NRCAM: variants seen among roughly 807,000 people sequenced by gnomAD.
NRCAM encodes the protein neuronal cell adhesion molecule.
NRCAM carries 83 observed loss-of-function variants against 156.5 expected under a neutral mutation model. The observed-to-expected ratio is 0.53, with a 90% confidence interval of 0.44 to 0.64. The LOEUF (loss-of-function observed/expected upper bound fraction) is 0.64. Ranked by LOEUF, NRCAM falls within the 30% of genes least tolerant of loss-of-function variation. The probability of loss-of-function intolerance (pLI) is 0.00; values close to 1 mark genes in which losing one functional copy is unlikely to be tolerated. For synonymous variants in NRCAM, 538 were observed against 563.9 expected, an observed-to-expected ratio of 0.95 and a Z score of 0.65; for missense variants, 1,417 against 1,597.3, an observed-to-expected ratio of 0.89 and a Z score of 1.92.
intron 3 of NRCAM, among the ~76,000 whole-genome samples, chr7:108,261,065 A>G (rs2096870616): frequency 6.6e-6 from 1 of 152,110 alleles, no homozygotes; most frequent in Non-Finnish European, 1.5e-5. Context: ...CATGAGGAGA[A>G]ATGGTGGACA....
rs181527922 is a variant in NRCAM at position 108,432,538 on chromosome 7, G to C, written c.-332+23705C>G. ...TTTGTTGACATACTTTGAGTATTTA[G>C]TGTGCACACTGAAGAGGAAATCGAA... On this transcript the variant is annotated intron_variant, in intron 1 of 32. Coordinates refer to ENST00000379028, the MANE Select transcript of NRCAM (RefSeq NM_001037132.4). Among the ~76,000 whole-genome samples, 8 of 152,338 alleles carry C rather than the reference G, an allele frequency of 5.3e-5. No individual in the cohort carries two copies. In the East Asian group the frequency reaches 1.5e-3, roughly 29 times the overall value.
At chr7:108,249,400 T>C (rs1355328516) in intron 3 of NRCAM, among the ~76,000 whole-genome samples, 2 of 152,252 alleles carry the variant, frequency 1.3e-5, no homozygotes, top group African/African-American at 4.8e-5. Context: ...CTTGCTGACA[T>C]GCATGTTGTA....
chr7:108,184,350 T>G (rs1376451650), intron 21 of NRCAM, 39 bp from the exon 22 acceptor site: 4 of 1,613,558 alleles, frequency 2.5e-6, no homozygotes, highest in Non-Finnish European at 3.4e-6. Flanking sequence ...AGCTTTGGCC[T>G]TTTGCGAAGA....
intron 3 of NRCAM, among the ~76,000 whole-genome samples, chr7:108,250,425 CAAAAAAAAA>C (rs34274206): frequency 7.4e-5 from 5 of 67,388 alleles, no homozygotes; most frequent in Admixed American, 2.2e-4. Context: ...CATCTTACCT[CAAAAAAAAA>C]AAAAAAAAAA....
intron 2 of NRCAM, among the ~76,000 whole-genome samples, chr7:108,396,291 T>C (rs2099776754): frequency 6.6e-6 from 1 of 152,204 alleles, no homozygotes; most frequent in Non-Finnish European, 1.5e-5. Context: ...GAGTGAATCA[T>C]GTTTTGTACA....
At chr7:108,303,695 C>T (rs953489071) in intron 3 of NRCAM, among the ~76,000 whole-genome samples, 4 of 152,070 alleles carry the variant, frequency 2.6e-5, no homozygotes, top group African/African-American at 9.7e-5. Context: ...TACATGGCTT[C>T]ATGTAGGATC....
chr7:108,307,686 A>G (rs2154171956), intron 3 of NRCAM, among the ~76,000 whole-genome samples: 1 of 152,218 alleles, frequency 6.6e-6, no homozygotes, highest in Admixed American at 6.5e-5. Context: ...AAAGCAAAAA[A>G]AAAAAAACCC....
At chr7:108,156,281 A>C (rs764587113) in intron 32 of NRCAM, 24 of 984,946 alleles carry the variant, frequency 2.4e-5, no homozygotes, top group Non-Finnish European at 2.8e-5. Flanking sequence ...AAGAGCCACC[A>C]ATTATGTAGT....
chr7:108,247,152 G>T (rs1001420559), intron 3 of NRCAM, among the ~76,000 whole-genome samples: 1 of 152,136 alleles, frequency 6.6e-6, no homozygotes, highest in Non-Finnish European at 1.5e-5. Flanking sequence ...TGCAACAGAA[G>T]AACCATCCTG....
chr7:108,180,338 A>G lies in NRCAM; in HGVS notation c.2736T>C (p.His912=), dbSNP rs370989463. The part of the protein sequence containing the change: ...KILTFQGSKT[H]GMLPGLEPFS... Reference sequence around the variant, plus strand: ...AGGGCTCTAGCCCCGGCAACATGCCATGAGTCTTGCTGCCTTGGAAGGTGA... The same window carrying G: ...AGGGCTCTAGCCCCGGCAACATGCCGTGAGTCTTGCTGCCTTGGAAGGTGA... Residue 912 remains histidine, a synonymous_variant, in exon 25 of 33, where the codon CAT becomes CAC. Coordinates refer to ENST00000379028, the MANE Select transcript of NRCAM (RefSeq NM_001037132.4). The G allele has an allele frequency of 1.9e-6, 3 of 1,614,062 alleles. No homozygotes were observed. The African/African-American group carries it at 4.0e-5, about 22-fold the overall frequency.
At chr7:108,221,809 T>C (rs181564986) in intron 11 of NRCAM, among the ~76,000 whole-genome samples, 256 of 152,034 alleles carry the variant, frequency 1.7e-3, no homozygotes, top group Admixed American at 7.1e-3. Context: ...AATAACTTAC[T>C]CCACTAAATA....
intron 3 of NRCAM, among the ~76,000 whole-genome samples, chr7:108,262,785 G>A (rs922995177): frequency 6.6e-5 from 10 of 152,164 alleles, no homozygotes; most frequent in African/African-American, 2.4e-4. Context: ...TTGACTCTCA[G>A]TGTAAAAAGT....
At chr7:108,321,883 T>A (rs1239817457) in intron 2 of NRCAM, among the ~76,000 whole-genome samples, 1 of 152,220 alleles carries the variant, frequency 6.6e-6, no homozygotes, top group African/African-American at 2.4e-5. Flanking sequence ...GTATCAAAAC[T>A]GTAGCTCATA....
intron 1 of NRCAM, among the ~76,000 whole-genome samples, chr7:108,401,942 A>C (rs2099793952): frequency 6.6e-6 from 1 of 152,228 alleles, no homozygotes; most frequent in Non-Finnish European, 1.5e-5. Context: ...TTCTCAGGCT[A>C]AACAATTAAA....
At chr7:108,267,363 T>G (rs1563026345) in intron 3 of NRCAM, among the ~76,000 whole-genome samples, 1 of 152,256 alleles carries the variant, frequency 6.6e-6, no homozygotes, top group Non-Finnish European at 1.5e-5. Context: ...AGGCATACTG[T>G]GGCTTTATAA....
chr7:108,410,206 C>A (rs1245120163), intron 1 of NRCAM, among the ~76,000 whole-genome samples: 1 of 152,160 alleles, frequency 6.6e-6, no homozygotes, highest in Non-Finnish European at 1.5e-5. Context: ...AATATAAGCC[C>A]ATATTAAATA....
At chr7:108,170,210 G>A (rs1384158090) in intron 28 of NRCAM, among the ~76,000 whole-genome samples, 1 of 151,672 alleles carries the variant, frequency 6.6e-6, no homozygotes, top group African/African-American at 2.4e-5. Context: ...ATATTATTCC[G>A]ACTTTAAAAA....
chr7:108,385,734 A>G (rs1331862371), intron 2 of NRCAM, among the ~76,000 whole-genome samples: 1 of 152,158 alleles, frequency 6.6e-6, no homozygotes, highest in Non-Finnish European at 1.5e-5. Context: ...CATTTGAAGA[A>G]TTTTTAGCTT....
At chr7:108,201,484 G>A (rs1214019368) in intron 13 of NRCAM, among the ~76,000 whole-genome samples, 1 of 152,210 alleles carries the variant, frequency 6.6e-6, no homozygotes, top group Admixed American at 6.5e-5. Flanking sequence ...AAGGGCTCTA[G>A]TTCTGAAGAT....
Sources: gnomAD v4.1 joint callset for allele counts (sites outside exome capture counted in the v4.1 genomes callset) on GRCh38, gnomAD v4.1.1 for gene constraint, MANE v1.5 for transcripts, NCBI Gene and HGNC (gene_info 2026-07-23, HGNC 2026-07-21) for gene names.